Variants in FGF14 observed in about 807,000 individuals in gnomAD.
The protein encoded by FGF14 is fibroblast growth factor homologous factor 4.
A neutral mutation model predicts 25.5 loss-of-function variants in FGF14; 5 were observed. The ratio of observed to expected loss-of-function variants is 0.20; its 90% CI spans 0.10 to 0.41. The LOEUF (loss-of-function observed/expected upper bound fraction) is 0.41, where lower values mean the gene tolerates loss of function less well. Among genes scored for constraint, FGF14 ranks in the 10% least tolerant of loss-of-function variants. FGF14 has a pLI of 1.00. For missense variants in FGF14, 222 were observed against 320.1 expected, an observed-to-expected ratio of 0.69 and a Z score of 2.34; for synonymous variants, 138 against 118.3, an observed-to-expected ratio of 1.17 and a Z score of -1.08.
intron 1 of FGF14, among the ~76,000 whole-genome samples, chr13:102,248,537 C>T (rs893663765): frequency 6.6e-6 from 1 of 151,928 alleles, no homozygotes; most frequent in Non-Finnish European, 1.5e-5. Flanking sequence ...ATGTGGATAC[C>T]AGTCTGACTC....
intron 1 of FGF14, among the ~76,000 whole-genome samples, chr13:102,155,506 C>T (rs954970579): frequency 6.6e-6 from 1 of 152,108 alleles, no homozygotes; most frequent in East Asian, 1.9e-4. Context: ...GGGACACATT[C>T]AAAGGAGTGT....
intron 1 of FGF14, chr13:102,263,108 T>A: frequency 1.6e-6 from 1 of 629,914 alleles, no homozygotes; most frequent in Non-Finnish European, 3.0e-6. Context: ...ATTACCAGTT[T>A]TCGTCTAAAT....
intron 1 of FGF14, among the ~76,000 whole-genome samples, chr13:102,084,786 C>A (rs1238000519): frequency 2.0e-5 from 3 of 152,168 alleles, no homozygotes; most frequent in African/African-American, 4.8e-5. Context: ...AGCAGAGCCT[C>A]CTTGTCCAGG....
intron 1 of FGF14, among the ~76,000 whole-genome samples, chr13:101,891,231 T>A (rs557630999): frequency 6.6e-6 from 1 of 152,272 alleles, no homozygotes; most frequent in South Asian, 2.1e-4. Flanking sequence ...ATAGCCCCTG[T>A]AGTCTAGTTA....
chr13:101,883,140 T>C (rs1370396666), intron 1 of FGF14, among the ~76,000 whole-genome samples: 1 of 152,206 alleles, frequency 6.6e-6, no homozygotes, highest in Non-Finnish European at 1.5e-5. Context: ...TCATGAAGGA[T>C]ACTGTAGCAT....
intron 3 of FGF14, among the ~76,000 whole-genome samples, chr13:101,859,648 G>T (rs1009930914): frequency 9.9e-5 from 15 of 152,100 alleles, no homozygotes; most frequent in African/African-American, 3.6e-4. Flanking sequence ...AGTAGTTTGT[G>T]TGTTTGATAT....
intron 3 of FGF14, among the ~76,000 whole-genome samples, chr13:101,833,293 T>C (rs1015970324): frequency 2.0e-5 from 3 of 152,098 alleles, no homozygotes; most frequent in African/African-American, 7.2e-5. Flanking sequence ...GTCTGATAAA[T>C]GCCTCTGAAA....
intron 2 of FGF14, among the ~76,000 whole-genome samples, chr13:101,873,867 C>A (rs1333777205): frequency 6.6e-6 from 1 of 150,940 alleles, no homozygotes; most frequent in South Asian, 2.1e-4. Flanking sequence ...AGGAAATAAA[C>A]TAAAAATAAA....
chr13:102,338,527 T>C (rs1321856805), intron 1 of FGF14, among the ~76,000 whole-genome samples: 1 of 152,178 alleles, frequency 6.6e-6, no homozygotes, highest in Non-Finnish European at 1.5e-5. Flanking sequence ...CCCATCCATG[T>C]TTAATGAACA....
intron 1 of FGF14, among the ~76,000 whole-genome samples, chr13:102,266,243 T>G (rs771883833): frequency 2.0e-5 from 3 of 152,134 alleles, no homozygotes; most frequent in Non-Finnish European, 4.4e-5. Context: ...ATGACAAATA[T>G]TGGCCATTTT....
At position 101,785,302 on chromosome 13, in the gene FGF14, A is replaced by G. The variant is rs2039741562; in HGVS notation, c.409-58492T>C. Among the ~76,000 whole-genome samples the G allele has an allele frequency of 4.6e-5, 7 of 151,404 alleles. No homozygotes were observed. In the South Asian group the frequency reaches 1.5e-3, roughly 31 times the overall value. On this transcript the variant is annotated intron_variant, in intron 3 of 4. Transcript: ENST00000376143. ...GTTAGCAACCCCAGCTGATCATGAC[A>G]GACTCTATTTAAATATCCACAGTTT... is the stretch of plus-strand genomic sequence containing the variant.
chr13:102,288,144 T>G (rs888827389), intron 1 of FGF14, among the ~76,000 whole-genome samples: 4 of 152,232 alleles, frequency 2.6e-5, no homozygotes, highest in Non-Finnish European at 4.4e-5. Context: ...TTTCTCCAGC[T>G]TTTTTATTTT....
At chr13:102,174,231 T>C (rs138688732) in intron 1 of FGF14, among the ~76,000 whole-genome samples, 4,822 of 151,148 alleles carry the variant, frequency 0.032, 273 homozygotes, top group African/African-American at 0.11. Context: ...GTCTCCCAGG[T>C]TCAAGCAATT....
At chr13:101,788,923 GAGAGAGAGAGAGAGAGAGAGAGAGAC>G (rs1317223487) in intron 3 of FGF14, among the ~76,000 whole-genome samples, 450 of 27,362 alleles carry the variant, frequency 0.016, 7 homozygotes, top group Non-Finnish European at 0.028. Flanking sequence ...GAGAGAGAGA[GAGAGAGAGAGAGAGAGAGAGAGAGAC>G]AGAGAGAGAG....
At chr13:102,251,373 T>G (rs2052164492) in intron 1 of FGF14, among the ~76,000 whole-genome samples, 1 of 152,194 alleles carries the variant, frequency 6.6e-6, no homozygotes, top group Non-Finnish European at 1.5e-5. Flanking sequence ...TATGGCACTC[T>G]AAGCCTCTGG....
chr13:102,188,253 G>A (rs950388394), intron 1 of FGF14, among the ~76,000 whole-genome samples: 2 of 152,138 alleles, frequency 1.3e-5, no homozygotes, highest in African/African-American at 4.8e-5. Context: ...TAGAACACAT[G>A]TTATGAATAA....
chr13:102,397,404 C>A (rs964954963), intron 1 of FGF14, among the ~76,000 whole-genome samples: 20 of 152,104 alleles, frequency 1.3e-4, no homozygotes, highest in Non-Finnish European at 4.4e-5. Flanking sequence ...CACGACAGAG[C>A]GGGAGACTGA....
At chr13:102,035,509 T>C (rs554205908) in intron 1 of FGF14, among the ~76,000 whole-genome samples, 84 of 152,250 alleles carry the variant, frequency 5.5e-4, no homozygotes, top group African/African-American at 1.9e-3. Context: ...AAGGTGTGAC[T>C]ACTGGTACCA....
chr13:101,883,901 A>G (rs932478854), intron 1 of FGF14, among the ~76,000 whole-genome samples: 3 of 151,324 alleles, frequency 2.0e-5, no homozygotes, highest in African/African-American at 7.3e-5. Context: ...CATCTCTACT[A>G]TAAATGCAAA....
Sources: allele counts gnomAD v4.1 joint callset (sites outside exome capture counted in the v4.1 genomes callset), GRCh38; gene constraint gnomAD v4.1.1; transcripts MANE v1.5; gene names NCBI Gene and HGNC (gene_info 2026-07-23, HGNC 2026-07-21).